Variants in PDE10A observed in about 807,000 individuals in gnomAD.
PDE10A encodes the protein phosphodiesterase 10A.
PDE10A carries 39 observed loss-of-function variants against 97.7 expected under a neutral mutation model. That is an observed-to-expected ratio of 0.40 (90% CI 0.31 to 0.52). The LOEUF (loss-of-function observed/expected upper bound fraction) is 0.52. Ranked by LOEUF, PDE10A falls within the 20% of genes least tolerant of loss-of-function variation. The pLI is 0.56. For synonymous variants in PDE10A, 371 were observed against 376.8 expected (o/e 0.98, Z 0.18); for missense variants, 731 against 1,047.8 (o/e 0.70, Z 4.17).
chr6:165,510,871 T>C (rs1340558044), intron 2 of PDE10A, among the ~76,000 whole-genome samples: 3 of 152,014 alleles, frequency 2.0e-5, no homozygotes, highest in African/African-American at 7.2e-5. Context: ...CAGTTGGTTG[T>C]AATGTCTCCA....
intron 18 of PDE10A, among the ~76,000 whole-genome samples, chr6:165,374,807 A>G (rs1784512897): frequency 6.6e-6 from 1 of 151,236 alleles, no homozygotes; most frequent in African/African-American, 2.4e-5. Context: ...GGGTACAGCA[A>G]TATCGGCAGC....
intron 1 of PDE10A, among the ~76,000 whole-genome samples, chr6:165,784,983 T>G (rs6913563): frequency 0.51 from 77,152 of 152,034 alleles, 20,101 homozygotes; most frequent in Middle Eastern, 0.58. Context: ...AGTGTCAAAG[T>G]TTCTCTTCTA....
At chr6:165,588,605 T>G (rs1352700236) in intron 1 of PDE10A, among the ~76,000 whole-genome samples, 1 of 152,154 alleles carries the variant, frequency 6.6e-6, no homozygotes, top group African/African-American at 2.4e-5. Flanking sequence ...AGCTTTATGA[T>G]TTTACTTTGT....
chr6:165,595,583 C>G (rs775448719), intron 1 of PDE10A, among the ~76,000 whole-genome samples: 3 of 152,138 alleles, frequency 2.0e-5, no homozygotes, highest in Non-Finnish European at 2.9e-5. Flanking sequence ...ATAATATAGC[C>G]AAAAACCTAC....
intron 1 of PDE10A, among the ~76,000 whole-genome samples, chr6:165,697,308 C>T (rs917016567): frequency 9.9e-5 from 15 of 152,132 alleles, no homozygotes; most frequent in Non-Finnish European, 2.2e-4. Flanking sequence ...CAGCTGACTT[C>T]CCAGCAGAAA....
chr6:165,382,112 T>TA (rs1364561484), intron 17 of PDE10A, among the ~76,000 whole-genome samples: 1 of 152,190 alleles, frequency 6.6e-6, no homozygotes, highest in Non-Finnish European at 1.5e-5. Flanking sequence ...ATGTAATTCT[T>TA]AACTCTATGG....
chr6:165,768,032 T>C (rs1777911095), intron 1 of PDE10A, among the ~76,000 whole-genome samples: 1 of 152,210 alleles, frequency 6.6e-6, no homozygotes. Context: ...CCGTAAAGAC[T>C]GATGATGTTG....
At position 165,895,579 on chromosome 6, in the gene PDE10A, C is replaced by T. The variant is rs772463950; in HGVS notation, c.-615+91950G>A. 3.9e-5 allele frequency among the ~76,000 whole-genome samples: 6 copies of T among 152,178 alleles called. No homozygotes were observed. The South Asian group carries it at 1.0e-3, about 26-fold the overall frequency. On this transcript the variant is annotated intron_variant, in intron 1 of 19. Coordinates refer to the PDE10A transcript ENST00000366882. ...ACAGCAGCCCTGGGAAATGAATCACCCTCTTCACAAAGTCCTCACTCCATA... is the reference window on the plus strand; with the variant it reads ...ACAGCAGCCCTGGGAAATGAATCACTCTCTTCACAAAGTCCTCACTCCATA...
At chr6:165,937,854 A>T (rs765389057) in intron 1 of PDE10A, among the ~76,000 whole-genome samples, 1 of 152,216 alleles carries the variant, frequency 6.6e-6, no homozygotes, top group Non-Finnish European at 1.5e-5. Context: ...AATAAATGCT[A>T]ACCAAACTAG....
intron 3 of PDE10A, among the ~76,000 whole-genome samples, chr6:165,465,837 G>C (rs1480925054): frequency 6.6e-6 from 1 of 152,194 alleles, no homozygotes; most frequent in Non-Finnish European, 1.5e-5. Flanking sequence ...TGAGATTTGG[G>C]TGGGGACACA....
chr6:165,375,498 G>A (rs1235734932), intron 18 of PDE10A, among the ~76,000 whole-genome samples: 5 of 152,308 alleles, frequency 3.3e-5, no homozygotes, highest in African/African-American at 1.2e-4. Flanking sequence ...AGATTGGTTC[G>A]AGAGGTTTAA....
At chr6:165,382,970 A>G (rs577444790) in intron 17 of PDE10A, among the ~76,000 whole-genome samples, 1 of 152,340 alleles carries the variant, frequency 6.6e-6, no homozygotes, top group African/African-American at 2.4e-5. Flanking sequence ...TAATTTTGCT[A>G]TAATTGTAAT....
At chr6:165,907,095 T>A (rs993160410) in intron 1 of PDE10A, among the ~76,000 whole-genome samples, 51 of 152,202 alleles carry the variant, frequency 3.4e-4, no homozygotes, top group African/African-American at 1.2e-3. Flanking sequence ...TATTTTCAAC[T>A]AGGTTTTGAA....
At chr6:165,654,567 C>T (rs376635284) in intron 1 of PDE10A, among the ~76,000 whole-genome samples, 7 of 146,252 alleles carry the variant, frequency 4.8e-5, no homozygotes, top group Non-Finnish European at 1.0e-4. Flanking sequence ...ACATTCTACT[C>T]GCCCTGTCCT....
At chr6:165,444,431 A>G (rs1583296867) in intron 5 of PDE10A, among the ~76,000 whole-genome samples, 1 of 152,214 alleles carries the variant, frequency 6.6e-6, no homozygotes, top group Non-Finnish European at 1.5e-5. Context: ...TAATGTATTG[A>G]TAACCTCTTC....
chr6:165,612,327 A>T (rs748857230), intron 1 of PDE10A, among the ~76,000 whole-genome samples: 1 of 152,034 alleles, frequency 6.6e-6, no homozygotes, highest in Non-Finnish European at 1.5e-5. Flanking sequence ...AATCCCATAC[A>T]CTTTTAAAAC....
intron 18 of PDE10A, among the ~76,000 whole-genome samples, chr6:165,377,215 T>C (rs1348211856): frequency 6.6e-6 from 1 of 152,130 alleles, no homozygotes; most frequent in African/African-American, 2.4e-5. Flanking sequence ...ATTATGAAAT[T>C]TCTTTTACAA....
chr6:165,472,561 A>T (rs189410463), intron 3 of PDE10A, among the ~76,000 whole-genome samples: 1 of 152,210 alleles, frequency 6.6e-6, no homozygotes, highest in South Asian at 2.1e-4. Context: ...ATAAATTTTA[A>T]TCTTATTCTG....
chr6:165,890,255 C>T (rs1302487449), intron 1 of PDE10A, among the ~76,000 whole-genome samples: 1 of 152,136 alleles, frequency 6.6e-6, no homozygotes, highest in Admixed American at 6.5e-5. Flanking sequence ...CCTGCTGTTT[C>T]TCTCTTTCCC....
Sources: allele counts gnomAD v4.1 joint callset (sites outside exome capture counted in the v4.1 genomes callset), GRCh38; gene constraint gnomAD v4.1.1; transcripts MANE v1.5; gene names NCBI Gene and HGNC (gene_info 2026-07-23, HGNC 2026-07-21).